FAT3: variants seen among roughly 807,000 people sequenced by gnomAD.
The protein encoded by FAT3 is protocadherin Fat 3.
A neutral mutation model predicts 310.2 loss-of-function variants in FAT3; 95 were observed. The ratio of observed to expected loss-of-function variants is 0.31; its 90% CI spans 0.26 to 0.36. The LOEUF (loss-of-function observed/expected upper bound fraction) is 0.36. Ranked by LOEUF, FAT3 falls within the 10% of genes least tolerant of loss-of-function variation. The probability of loss-of-function intolerance (pLI) is 1.00; values close to 1 mark genes in which losing one functional copy is unlikely to be tolerated. For missense variants in FAT3, 5,408 were observed against 5,715.6 expected (o/e 0.95, Z 1.74); for synonymous variants, 2,314 against 2,192.9 (o/e 1.06, Z -1.54).
At chr11:92,410,042 A>G (rs1417069781) in intron 2 of FAT3, among the ~76,000 whole-genome samples, 1 of 152,192 alleles carries the variant, frequency 6.6e-6, no homozygotes, top group Non-Finnish European at 1.5e-5. Context: ...GAGATGAACA[A>G]GGGTCAAAAA....
At chr11:92,225,316 G>A (rs940805274) in intron 1 of FAT3, among the ~76,000 whole-genome samples, 142 bp downstream of exon 1, 3 of 152,160 alleles carry the variant, frequency 2.0e-5, no homozygotes, top group Non-Finnish European at 4.4e-5. Context: ...GCGCGTGGGG[G>A]AAACTTTTCA....
chr11:92,366,412 G>T, intron 2 of FAT3: 2 of 322,624 alleles, frequency 6.2e-6, no homozygotes, highest in South Asian at 5.3e-5. Flanking sequence ...TGTGGTCAGT[G>T]TGACATGTCC....
At chr11:92,788,794 G>A (rs1591733043) in intron 7 of FAT3, among the ~76,000 whole-genome samples, 1 of 152,242 alleles carries the variant, frequency 6.6e-6, no homozygotes, top group South Asian at 2.1e-4. Context: ...GCGATGCTAT[G>A]AGCAAAATTC....
At chr11:92,602,255 G>T (rs146025199) in intron 3 of FAT3, among the ~76,000 whole-genome samples, 1 of 151,944 alleles carries the variant, frequency 6.6e-6, no homozygotes, top group Non-Finnish European at 1.5e-5. Context: ...TGTATTTTTA[G>T]TAGAAGGTTT....
intron 3 of FAT3, among the ~76,000 whole-genome samples, chr11:92,636,805 G>T (rs1410405044): frequency 6.6e-6 from 1 of 152,156 alleles, no homozygotes; most frequent in Non-Finnish European, 1.5e-5. Context: ...TGACAATCCA[G>T]CTGTGTTCTT....
intron 2 of FAT3, among the ~76,000 whole-genome samples, chr11:92,400,982 C>T (rs1950000265): frequency 6.6e-6 from 1 of 152,048 alleles, no homozygotes; most frequent in Non-Finnish European, 1.5e-5. Context: ...AATAGAAAAT[C>T]TGAAAAGATT....
chr11:92,518,208 T>C (rs565227499), intron 2 of FAT3, among the ~76,000 whole-genome samples: 9 of 152,310 alleles, frequency 5.9e-5, no homozygotes, highest in Non-Finnish European at 1.2e-4. Flanking sequence ...TAAATACTCA[T>C]GCACACGTAT....
intron 3 of FAT3, among the ~76,000 whole-genome samples, chr11:92,609,306 G>C (rs183486581): frequency 6.6e-6 from 1 of 152,272 alleles, no homozygotes; most frequent in East Asian, 1.9e-4. Context: ...GCTCAAAATG[G>C]AGGAGGGGAG....
rs1212583658 is a variant in FAT3, at chr11:92,883,227, A to G, written c.12771A>G (p.Gly4257=). 1.5e-5 allele frequency: 24 copies of G among 1,612,944 alleles called. No homozygotes were observed. Among genetic ancestry groups the G allele is most frequent in the Non-Finnish European group, 1.9e-5 (23 of 1,179,848 alleles). Residue 4257 remains glycine, a synonymous_variant, in exon 24 of 28, where the codon GGA becomes GGG. Transcript: ENST00000525166. This position sits in a 1 kb window ranked among gnomAD's most constrained non-coding sequence, Gnocchi z 4.2. ...SNLDKIVDGL[G]GEHQEMTTFH... is the part of the protein sequence containing the mutation. ...TGGATAAGATCGTGGACGGGCTGGGAGGCGAGCACCAGGAAATGACCACGT... is the reference window on the plus strand; with the variant it reads ...TGGATAAGATCGTGGACGGGCTGGGGGGCGAGCACCAGGAAATGACCACGT...
chr11:92,324,948 G>A (rs1032498476), intron 1 of FAT3, among the ~76,000 whole-genome samples: 1 of 152,182 alleles, frequency 6.6e-6, no homozygotes, highest in South Asian at 2.1e-4. Flanking sequence ...CTGACACCAG[G>A]AATTTGAGGA....
At chr11:92,550,515 A>G (rs1259382345) in intron 3 of FAT3, among the ~76,000 whole-genome samples, 1 of 152,168 alleles carries the variant, frequency 6.6e-6, no homozygotes, top group Non-Finnish European at 1.5e-5. Flanking sequence ...ACTTCATTGC[A>G]TTAGACTATG....
chr11:92,665,282 G>T (rs866973685), intron 3 of FAT3, among the ~76,000 whole-genome samples: 29 of 152,096 alleles, frequency 1.9e-4, no homozygotes, highest in Admixed American at 6.6e-5. Flanking sequence ...TGCCAGAGAC[G>T]AACGGTTGAC....
At chr11:92,880,221 A>G (rs898728283) in intron 22 of FAT3, among the ~76,000 whole-genome samples, 6 of 150,432 alleles carry the variant, frequency 4.0e-5, no homozygotes, top group Admixed American at 2.0e-4. Context: ...GCCTTTGCCA[A>G]TCTGGGGTTC....
chr11:92,306,413 TC>T (rs1017469490), intron 1 of FAT3, among the ~76,000 whole-genome samples: 2 of 146,566 alleles, frequency 1.4e-5, no homozygotes, highest in African/African-American at 5.0e-5. Flanking sequence ...TTTTGTAGCT[TC>T]AGTTTTAGTA....
intron 1 of FAT3, among the ~76,000 whole-genome samples, chr11:92,325,955 T>C (rs1947752430): frequency 6.6e-6 from 1 of 152,190 alleles, no homozygotes; most frequent in South Asian, 2.1e-4. Context: ...TGTGGGGATG[T>C]GTATATTTCT....
chr11:92,519,472 G>T (rs971202403), intron 2 of FAT3, among the ~76,000 whole-genome samples: 3 of 151,988 alleles, frequency 2.0e-5, no homozygotes, highest in African/African-American at 7.2e-5. Flanking sequence ...TTTGGATTAG[G>T]CAAGGATTTC....
chr11:92,448,318 A>G (rs373120288), intron 2 of FAT3, among the ~76,000 whole-genome samples: 2 of 152,044 alleles, frequency 1.3e-5, no homozygotes. Context: ...TCATGATTGC[A>G]TCTGAACTTA....
At chr11:92,814,400 AG>A (rs34409751) in intron 13 of FAT3, among the ~76,000 whole-genome samples, 69,520 of 112,106 alleles carry the variant, frequency 0.62, 17,824 homozygotes, top group East Asian at 0.84. Flanking sequence ...CATTATTGTT[AG>A]AGTCATTGCC....
At chr11:92,396,389 T>A (rs922073030) in intron 2 of FAT3, among the ~76,000 whole-genome samples, 1 of 152,204 alleles carries the variant, frequency 6.6e-6, no homozygotes, top group African/African-American at 2.4e-5. Flanking sequence ...ACAGGTGTTT[T>A]ATCTAAGCCA....
Sources: gnomAD v4.1 joint callset for allele counts (sites outside exome capture counted in the v4.1 genomes callset) on GRCh38, gnomAD v4.1.1 for gene constraint, Gnocchi (gnomAD v3.1) non-coding constraint, MANE v1.5 for transcripts, NCBI Gene and HGNC (gene_info 2026-07-23, HGNC 2026-07-21) for gene names.